Variants in NOSIP observed in about 807,000 individuals in gnomAD.
NOSIP encodes the protein nitric oxide synthase-interacting protein.
In NOSIP, 25 loss-of-function variants were observed where a neutral mutation model predicts 36.4. That is an observed-to-expected ratio of 0.69 (90% CI 0.50 to 0.96). The LOEUF (loss-of-function observed/expected upper bound fraction) is 0.96. Ranked by LOEUF, NOSIP falls within the 40% of genes least tolerant of loss-of-function variation. NOSIP has a pLI of 0.00. For synonymous variants in NOSIP, 187 were observed against 179.2 expected, an observed-to-expected ratio of 1.04 and a Z score of -0.35; for missense variants, 370 against 429.0, an observed-to-expected ratio of 0.86 and a Z score of 1.21.
intron 1 of NOSIP, among the ~76,000 whole-genome samples, chr19:49,565,192 A>G (rs1235872714): frequency 1.3e-5 from 2 of 151,662 alleles, no homozygotes; most frequent in African/African-American, 4.8e-5. Flanking sequence ...GGATCACCTG[A>G]GCCCAGGGAG....
intron 1 of NOSIP, among the ~76,000 whole-genome samples, chr19:49,576,860 G>A (rs2080559932): frequency 7.3e-6 from 1 of 137,312 alleles, no homozygotes; most frequent in Non-Finnish European, 1.5e-5. Flanking sequence ...CTCCAGCCTA[G>A]GCAACAAGAG....
chr19:49,571,177 G>C (rs2080479593), intron 1 of NOSIP, among the ~76,000 whole-genome samples: 1 of 150,084 alleles, frequency 6.7e-6, no homozygotes, highest in Non-Finnish European at 1.5e-5. Context: ...GTAGAGACAG[G>C]GTTTCACCAT....
intron 1 of NOSIP, among the ~76,000 whole-genome samples, chr19:49,568,592 T>C (rs1482353810): frequency 3.9e-5 from 6 of 152,098 alleles, no homozygotes; most frequent in Admixed American, 2.6e-4. Context: ...ATAGCAGAAC[T>C]GATGGTACAT....
At chr19:49,556,110 A>C (rs1270994359) in intron 8 of NOSIP, among the ~76,000 whole-genome samples, 1 of 80,678 alleles carries the variant, frequency 1.2e-5, no homozygotes, top group Non-Finnish European at 2.0e-5. Flanking sequence ...TTGAAAAGGA[A>C]GGAGGAGGCG....
At chr19:49,569,842 A>AGAACAC (rs1440951388) in intron 1 of NOSIP, among the ~76,000 whole-genome samples, 1 of 150,930 alleles carries the variant, frequency 6.6e-6, no homozygotes, top group Non-Finnish European at 1.5e-5. Flanking sequence ...ACAACAAAAA[A>AGAACAC]GAACACTTGC....
chr19:49,562,843 A>G (rs1218202636), intron 1 of NOSIP, among the ~76,000 whole-genome samples: 2 of 152,112 alleles, frequency 1.3e-5, no homozygotes, highest in African/African-American at 4.8e-5. Flanking sequence ...TTGCACCACT[A>G]CACTCCAGCC....
Position 49,555,762 on chromosome 19 carries a change from T to G in NOSIP, c.895A>C (p.Met299Leu). 1 of 1,613,368 alleles carries G rather than the reference T, an allele frequency of 6.2e-7. No homozygotes were observed. Among genetic ancestry groups the G allele is most frequent in the East Asian group, 2.2e-5 (1 of 44,804 alleles). Residue 299 changes from methionine to leucine, a missense_variant, in exon 9 of 9, where the codon ATG (methionine) becomes CTG (leucine). By Grantham distance (15) the Met-to-Leu change is conservative. Transcript: ENST00000596358. ...KLQAEKSRPV[M>L]QA is the part of the protein sequence containing the mutation. Reference sequence around the variant, plus strand: ...TCTCCCGCACACACTCAGGCCTGCATCACCGGCCGTGATTTCTCCGCTTGC... The same window carrying G: ...TCTCCCGCACACACTCAGGCCTGCAGCACCGGCCGTGATTTCTCCGCTTGC...
chr19:49,563,494 TTC>T lies in NOSIP; in HGVS notation c.-1-2804_-1-2803del, dbSNP rs202224889. Among the ~76,000 whole-genome samples, 305 of 149,140 alleles carry T rather than the reference TTC, an allele frequency of 2.0e-3. 4 individuals are homozygous for T. The East Asian group carries it at 0.042, about 20-fold the overall frequency. ...ACATCATATCTTTTGTGCTTGAAAA[TTC>T]TTTTTTTTTTTTTTGAGATCGAGTT... On this transcript the variant is annotated intron_variant, in intron 1 of 8. Coordinates refer to ENST00000596358, the MANE Select transcript of NOSIP (RefSeq NM_001270960.2).
chr19:49,556,426 C>T lies in NOSIP; in HGVS notation c.726-1G>A, dbSNP rs2080246923. The T allele has an allele frequency of 6.2e-7, 1 of 1,613,264 alleles. No homozygotes were observed. Among genetic ancestry groups the T allele is most frequent in the Non-Finnish European group, 8.5e-7 (1 of 1,179,742 alleles). ...GCATTCGAGGGTGACCACAGCCCCA[C>T]TACGGTGAGGCCGAAGGCGGGAGAC... is the stretch of plus-strand genomic sequence containing the variant. On this transcript the variant is annotated splice_acceptor_variant, in intron 7 of 8. Coordinates refer to ENST00000596358, the MANE Select transcript of NOSIP (RefSeq NM_001270960.2). LOFTEE classifies it high-confidence loss of function.
In NOSIP at chr19:49,560,057, C is replaced by A; in HGVS notation, c.71-18G>T. The A allele has an allele frequency of 6.4e-7, 1 of 1,565,252 alleles. No individual in the cohort carries two copies. The highest frequency in any genetic ancestry group is 1.1e-5 in the South Asian group (1 of 89,428). On this transcript the variant is annotated intron_variant, in intron 2 of 8. Transcript: ENST00000596358. This position sits in a 1 kb window ranked among gnomAD's most constrained non-coding sequence, Gnocchi z 4.6. Reference sequence around the variant, plus strand: ...CGAGGCCGCTGGGGACAGAGATGGGCAGAGTGATGGAGGGGCGGAGCAACA... The same window carrying A: ...CGAGGCCGCTGGGGACAGAGATGGGAAGAGTGATGGAGGGGCGGAGCAACA...
chr19:49,562,638 T>C (rs2080350685), intron 1 of NOSIP, among the ~76,000 whole-genome samples: 1 of 151,992 alleles, frequency 6.6e-6, no homozygotes, highest in Admixed American at 6.6e-5. Context: ...CCCAGCACTT[T>C]GGGAAGCCGA....
At chr19:49,566,095 G>A (rs1338365215) in intron 1 of NOSIP, among the ~76,000 whole-genome samples, 2 of 151,030 alleles carry the variant, frequency 1.3e-5, no homozygotes, top group African/African-American at 2.4e-5. Context: ...TCTCGGCTCA[G>A]TGCAACCTCT....
chr19:49,564,453 C>CAAAAA (rs1011453088), intron 1 of NOSIP, among the ~76,000 whole-genome samples: 46 of 42,446 alleles, frequency 1.1e-3, no homozygotes, highest in Non-Finnish European at 1.2e-3. Flanking sequence ...GACTCCATCT[C>CAAAAA]AAAAAAAAAA....
chr19:49,580,443 T>G (rs2080611375), intron 1 of NOSIP, 72 bp downstream of exon 1: 1 of 152,050 alleles, frequency 6.6e-6, no homozygotes, highest in Non-Finnish European at 1.5e-5. Context: ...CCAGTCTCCC[T>G]CAAGACCCCA....
intron 1 of NOSIP, among the ~76,000 whole-genome samples, chr19:49,570,468 CAA>C (rs2080469925): frequency 1.3e-5 from 2 of 152,158 alleles, no homozygotes; most frequent in Admixed American, 1.3e-4. Context: ...TGCGATCTGA[CAA>C]ATGTATACAC....
intron 1 of NOSIP, among the ~76,000 whole-genome samples, chr19:49,575,126 G>C (rs1048950418): frequency 3.9e-5 from 6 of 151,932 alleles, no homozygotes; most frequent in African/African-American, 1.5e-4. Context: ...GCCTCCCAAA[G>C]TGCTGGGATT....
intron 1 of NOSIP, among the ~76,000 whole-genome samples, chr19:49,562,975 T>G (rs2080355772): frequency 6.6e-6 from 1 of 152,158 alleles, no homozygotes; most frequent in African/African-American, 2.4e-5. Flanking sequence ...GCTTAAACAG[T>G]TGCAAAGGAT....
In NOSIP at chr19:49,560,216, G is replaced by A. The variant is rs1009221853; in HGVS notation, c.71-177C>T. The A allele has an allele frequency of 3.3e-6, 2 of 599,122 alleles. No homozygotes were observed. Among genetic ancestry groups the A allele is most frequent in the Non-Finnish European group, 3.0e-6 (1 of 335,600 alleles). 37.1% of individuals were successfully genotyped at this position (599,122 alleles called of 1,614,324 possible). On this transcript the variant is annotated intron_variant, in intron 2 of 8. Transcript: ENST00000596358. The surrounding 1 kb of genome is among the most constrained non-coding windows in gnomAD (Gnocchi z 4.6). ...TGGGGCCACGGGCTGAACCCACAGG[G>A]AGTTGTCAACCCTGGAGGGTGAGAG...
intron 1 of NOSIP, among the ~76,000 whole-genome samples, chr19:49,578,046 A>C (rs2080576787): frequency 6.6e-6 from 1 of 152,136 alleles, no homozygotes; most frequent in South Asian, 2.1e-4. Flanking sequence ...ATGGTTGCAC[A>C]ACTCTGTCAA....
Sources: allele counts gnomAD v4.1 joint callset (sites outside exome capture counted in the v4.1 genomes callset), GRCh38; gene constraint gnomAD v4.1.1; non-coding constraint Gnocchi (gnomAD v3.1); transcripts MANE v1.5; gene names NCBI Gene and HGNC (gene_info 2026-07-23, HGNC 2026-07-21).